Variants in LRIG1 observed in about 807,000 individuals in gnomAD.
LRIG1 encodes the protein leucine-rich repeats and immunoglobulin-like domains protein 1.
In LRIG1, 48 loss-of-function variants were observed where a neutral mutation model predicts 99.2. The observed-to-expected ratio is 0.48, with a 90% CI of 0.38 to 0.62. The LOEUF (loss-of-function observed/expected upper bound fraction) is 0.62. Ranked by LOEUF, LRIG1 falls within the 20% of genes least tolerant of loss-of-function variation. LRIG1 has a pLI of 0.00. For synonymous variants in LRIG1, 772 were observed against 596.1 expected (o/e 1.29, Z -4.30); for missense variants, 1,646 against 1,434.4 (o/e 1.15, Z -2.38).
At chr3:66,494,975 T>C (rs7611345) in intron 1 of LRIG1, among the ~76,000 whole-genome samples, 5,271 of 152,318 alleles carry the variant, frequency 0.035, 304 homozygotes, top group African/African-American at 0.12. Context: ...TAAATGCAGG[T>C]CCCAGAGGTA....
intron 1 of LRIG1, among the ~76,000 whole-genome samples, chr3:66,484,225 T>C (rs144730619): frequency 1.8e-3 from 267 of 152,232 alleles, no homozygotes; most frequent in Non-Finnish European, 3.0e-3. Context: ...GGCAGAGGTA[T>C]TTCCACAGGA....
chr3:66,444,884 T>C (rs1703664361), intron 3 of LRIG1, among the ~76,000 whole-genome samples: 1 of 151,532 alleles, frequency 6.6e-6, no homozygotes, highest in African/African-American at 2.4e-5. Context: ...TATATATATA[T>C]ATACACACAC....
chr3:66,491,918 AAGTG>A (rs939727187), intron 1 of LRIG1, among the ~76,000 whole-genome samples: 5 of 152,324 alleles, frequency 3.3e-5, no homozygotes, highest in Middle Eastern at 3.4e-3. Context: ...AGAGCAACAG[AAGTG>A]AGTTAGTTTA....
rs1006571034 is a variant in LRIG1 at position 66,381,221 on chromosome 3, C to T, written c.2770+258G>A. On this transcript the variant is annotated intron_variant, in intron 17 of 18. Transcript: ENST00000273261. ...AAGTGCTGACTGAAACTCTATACTT[C>T]GTTTGTGCCTTGCCCCTTATTTAAG... 1.1e-4 allele frequency among the ~76,000 whole-genome samples: 16 copies of T among 152,274 alleles called. No homozygotes were observed. The East Asian group carries it at 1.7e-3, about 16-fold the overall frequency.
chr3:66,420,795 A>C (rs1702782002), intron 3 of LRIG1, among the ~76,000 whole-genome samples: 1 of 152,222 alleles, frequency 6.6e-6, no homozygotes, highest in African/African-American at 2.4e-5. Context: ...AGACCGCAGA[A>C]GGAAGATCTG....
intron 1 of LRIG1, among the ~76,000 whole-genome samples, chr3:66,480,808 G>C (rs1700833599): frequency 6.6e-6 from 1 of 152,216 alleles, no homozygotes; most frequent in East Asian, 1.9e-4. Flanking sequence ...GCTGTGGAAA[G>C]CAGGGCTCCC....
At chr3:66,418,811 G>GT (rs1297248110) in intron 3 of LRIG1, among the ~76,000 whole-genome samples, 7 of 151,994 alleles carry the variant, frequency 4.6e-5, no homozygotes, top group Admixed American at 4.6e-4. Flanking sequence ...GGACTCCTTT[G>GT]TTTTTTTCAT....
At chr3:66,406,168 A>G in intron 8 of LRIG1, 2 of 985,498 alleles carry the variant, frequency 2.0e-6, no homozygotes. Context: ...TGAAGAGTGA[A>G]ATGCTGGCGG....
Position 66,382,996 on chromosome 3 carries a change from C to A in LRIG1, c.2477G>T (p.Ser826Ile), listed in dbSNP as rs1701172209. ...YQTRKKSEEYSVTNTDETVVP... is the reference protein window; with the variant it reads ...YQTRKKSEEYIVTNTDETVVP... ...CAGGGCCTGACCTGTGTTGGTGACA[C>A]TGTACTCTTCACTCTTCTTCCTGGT... is the stretch of plus-strand genomic sequence containing the variant. Residue 826 changes from serine to isoleucine, a missense_variant, in exon 15 of 19, where the codon AGT (serine) becomes ATT (isoleucine). Ser to Ile is a moderately radical substitution (Grantham distance 142). Transcript: ENST00000273261. 1 of 1,611,830 alleles carries A rather than the reference C, an allele frequency of 6.2e-7. No individual in the cohort carries two copies. Among genetic ancestry groups the A allele is most frequent in the Admixed American group, 1.7e-5 (1 of 59,928 alleles).
At chr3:66,478,407 A>G (rs1181935053) in intron 1 of LRIG1, among the ~76,000 whole-genome samples, 1 of 152,224 alleles carries the variant, frequency 6.6e-6, no homozygotes, top group Non-Finnish European at 1.5e-5. Context: ...CCTGGATACT[A>G]TCAAGAAAGA....
At chr3:66,405,093 C>G (rs759081551) in intron 9 of LRIG1, 105 bp downstream of exon 9, 17 of 953,774 alleles carry the variant, frequency 1.8e-5, no homozygotes, top group Non-Finnish European at 2.6e-5. Flanking sequence ...GCTCCTCTTC[C>G]GCCTGGGCCC....
chr3:66,480,642 G>A (rs1290086567), intron 1 of LRIG1, among the ~76,000 whole-genome samples: 1 of 152,138 alleles, frequency 6.6e-6, no homozygotes, highest in Non-Finnish European at 1.5e-5. Context: ...CAGCTTCTGT[G>A]TGCTTCCCAG....
chr3:66,454,799 A>G lies in LRIG1; in HGVS notation c.291-3166T>C, dbSNP rs560995092. ...CTTCTGGTCCCTCACCTTTCTCCCA[A>G]AACTTCCATTTAATTGACTTAAGGG... On this transcript the variant is annotated intron_variant, in intron 2 of 18. Coordinates refer to ENST00000273261, the MANE Select transcript of LRIG1 (RefSeq NM_015541.3). Among the ~76,000 whole-genome samples the G allele has an allele frequency of 3.3e-5, 5 of 152,316 alleles. No individual in the cohort carries two copies. In the South Asian group the frequency reaches 1.0e-3, roughly 32 times the overall value.
rs572510212 is a variant in LRIG1 at position 66,437,265 on chromosome 3, G to T, written c.365+14294C>A. Among the ~76,000 whole-genome samples the T allele has an allele frequency of 1.6e-4, 24 of 152,238 alleles. No individual in the cohort carries two copies. The South Asian group carries it at 5.0e-3, about 32-fold the overall frequency. Reference sequence around the variant, plus strand: ...GCAGAGACTGGGAGAGCCCTTTTTTGACACATCTGTGGTAAGGTAAGAGCA... The same window carrying T: ...GCAGAGACTGGGAGAGCCCTTTTTTTACACATCTGTGGTAAGGTAAGAGCA... On this transcript the variant is annotated intron_variant, in intron 3 of 18. Transcript: ENST00000273261.
Position 66,450,496 on chromosome 3 carries a change from C to A in LRIG1, c.365+1063G>T, listed in dbSNP as rs188884847. On this transcript the variant is annotated intron_variant, in intron 3 of 18. Transcript: ENST00000273261. ...TGAAGTGCAATTCTAACCCCCCACG[C>A]TCTCCTGCAATCCCACAATGCCATG... Among the ~76,000 whole-genome samples the A allele has an allele frequency of 1.1e-4, 17 of 152,300 alleles. No individual in the cohort carries two copies. In the East Asian group the frequency reaches 3.1e-3, roughly 28 times the overall value.
At chr3:66,481,738 G>C (rs1487747598) in intron 1 of LRIG1, among the ~76,000 whole-genome samples, 1 of 152,166 alleles carries the variant, frequency 6.6e-6, no homozygotes, top group Non-Finnish European at 1.5e-5. Context: ...GTGGCAGGAA[G>C]ACAAATAAAC....
Position 66,383,971 on chromosome 3 carries a change from C to CAT in LRIG1, c.2071+19_2071+20insAT. On this transcript the variant is annotated intron_variant, in intron 14 of 18. Transcript: ENST00000273261. The stretch of plus-strand genomic sequence containing the variant: ...GCTCACACACACACACACACACACA[C>CAT]AGTAGAGCAATAGGCAAACCTAGGA... 6.2e-7 allele frequency: 1 copy of CAT among 1,609,438 alleles called. No homozygotes were observed. Among genetic ancestry groups the CAT allele is most frequent in the Non-Finnish European group, 8.5e-7 (1 of 1,176,774 alleles).
intron 3 of LRIG1, among the ~76,000 whole-genome samples, chr3:66,418,300 G>A (rs1410567487): frequency 2.0e-5 from 3 of 152,058 alleles, no homozygotes; most frequent in Non-Finnish European, 2.9e-5. Flanking sequence ...TCACCGTGTT[G>A]GCCAGGATGG....
At chr3:66,468,561 T>G (rs1037769638) in intron 1 of LRIG1, among the ~76,000 whole-genome samples, 3 of 152,202 alleles carry the variant, frequency 2.0e-5, no homozygotes, top group African/African-American at 7.2e-5. Context: ...CTAAACTGCA[T>G]TAATACAGCT....
Sources: gnomAD v4.1 joint callset for allele counts (sites outside exome capture counted in the v4.1 genomes callset) on GRCh38, gnomAD v4.1.1 for gene constraint, MANE v1.5 for transcripts, NCBI Gene and HGNC (gene_info 2026-07-23, HGNC 2026-07-21) for gene names.